GALNT1: variants seen among roughly 807,000 people sequenced by gnomAD.
The protein encoded by GALNT1 is polypeptide N-acetylgalactosaminyltransferase 1, also known as GalNAc transferase 1.
Under a neutral mutation model 65.7 loss-of-function variants are expected in GALNT1, and 17 were observed. That is an observed-to-expected ratio of 0.26 (90% CI 0.18 to 0.39). The LOEUF (loss-of-function observed/expected upper bound fraction) is 0.39, where lower values mean the gene tolerates loss of function less well. Ranked by LOEUF, GALNT1 falls within the 10% of genes least tolerant of loss-of-function variation. GALNT1 has a pLI of 1.00. For missense variants in GALNT1, 460 were observed against 672.8 expected, an observed-to-expected ratio of 0.68 and a Z score of 3.50; for synonymous variants, 210 against 219.7, an observed-to-expected ratio of 0.96 and a Z score of 0.39.
intron 1 of GALNT1, among the ~76,000 whole-genome samples, chr18:35,594,820 T>A (rs535101607): frequency 6.6e-6 from 1 of 152,240 alleles, no homozygotes; most frequent in Admixed American, 6.5e-5. Context: ...GGTGGTGTAT[T>A]TTATGCCTGG....
chr18:35,602,649 A>G lies in GALNT1; in HGVS notation c.-104+20787A>G, dbSNP rs2046596310. Among the ~76,000 whole-genome samples the G allele has an allele frequency of 2.6e-5, 4 of 152,126 alleles. No homozygotes were observed. In the South Asian group the frequency reaches 8.3e-4, roughly 32 times the overall value. Reference sequence around the variant, plus strand: ...TTCTCCTGTTGAGACCCTCTAATACACTTTTCAGTTTAGCAAATGTATTTC... The same window carrying G: ...TTCTCCTGTTGAGACCCTCTAATACGCTTTTCAGTTTAGCAAATGTATTTC... On this transcript the variant is annotated intron_variant, in intron 1 of 11. Transcript: ENST00000269195.
chr18:35,702,109 T>C (rs939347330), intron 9 of GALNT1, among the ~76,000 whole-genome samples: 8 of 152,204 alleles, frequency 5.3e-5, no homozygotes, highest in Admixed American at 2.0e-4. Flanking sequence ...TGGAATAATA[T>C]GCAGACTGTA....
At chr18:35,592,786 T>G (rs1474014626) in intron 1 of GALNT1, among the ~76,000 whole-genome samples, 1 of 152,146 alleles carries the variant, frequency 6.6e-6, no homozygotes, top group Non-Finnish European at 1.5e-5. Context: ...CAGGCTCTGG[T>G]GTTTGTCTCA....
At chr18:35,590,360 A>G (rs1417259449) in intron 1 of GALNT1, among the ~76,000 whole-genome samples, 2 of 152,200 alleles carry the variant, frequency 1.3e-5, no homozygotes, top group East Asian at 3.8e-4. Flanking sequence ...GTTAGAGAAC[A>G]TATGATTGAT....
At position 35,687,202 on chromosome 18, in the gene GALNT1, G is replaced by T; in HGVS notation, c.860+16G>T. On this transcript the variant is annotated intron_variant, in intron 6 of 11. Coordinates refer to ENST00000269195, the MANE Select transcript of GALNT1 (RefSeq NM_020474.4). ...TTCCTGTCAGGTAATTAATTTGTCA[G>T]ACATTTTGCCTAAAGTGTTATTGGC... The T allele has an allele frequency of 1.9e-6, 3 of 1,608,348 alleles. No individual in the cohort carries two copies. Among genetic ancestry groups the T allele is most frequent in the Non-Finnish European group, 2.5e-6 (3 of 1,177,180 alleles).
chr18:35,666,512 A>G (rs1365296022), intron 3 of GALNT1, among the ~76,000 whole-genome samples: 2 of 152,206 alleles, frequency 1.3e-5, no homozygotes, highest in African/African-American at 4.8e-5. Context: ...CAAGAGCCTC[A>G]ATCAACTATT....
intron 9 of GALNT1, among the ~76,000 whole-genome samples, chr18:35,698,678 T>C (rs1324711919): frequency 6.6e-6 from 1 of 151,736 alleles, no homozygotes; most frequent in Non-Finnish European, 1.5e-5. Context: ...ACAACTGCTG[T>C]TTTAAAACAG....
chr18:35,636,648 A>G (rs1021168969), intron 1 of GALNT1, among the ~76,000 whole-genome samples: 10 of 152,200 alleles, frequency 6.6e-5, no homozygotes, highest in African/African-American at 2.4e-4. Flanking sequence ...TACCACCTAC[A>G]GTACCTGACA....
chr18:35,633,733 A>G (rs1307195346), intron 1 of GALNT1, among the ~76,000 whole-genome samples: 1 of 152,156 alleles, frequency 6.6e-6, no homozygotes, highest in Non-Finnish European at 1.5e-5. Flanking sequence ...TATGCCTCAT[A>G]TACAAGCAAG....
intron 6 of GALNT1, among the ~76,000 whole-genome samples, chr18:35,688,958 T>C (rs942874587): frequency 1.3e-5 from 2 of 152,152 alleles, no homozygotes; most frequent in African/African-American, 2.4e-5. Flanking sequence ...ACAGCAAGTC[T>C]AGCAGTCAGC....
Position 35,691,001 on chromosome 18 carries a change from G to C in GALNT1, c.979-11G>C, listed in dbSNP as rs1439894857. On this transcript the variant is annotated splice_polypyrimidine_tract_variant and intron_variant, in intron 7 of 11. Coordinates refer to ENST00000269195, the MANE Select transcript of GALNT1 (RefSeq NM_020474.4). Reference sequence around the variant, plus strand: ...AGCTACATGTTACATGGTCATCTCTGCTGTTTTCAGATTTGGCAGTGTGGA... The same window carrying C: ...AGCTACATGTTACATGGTCATCTCTCCTGTTTTCAGATTTGGCAGTGTGGA... 2 of 1,582,554 alleles carry C rather than the reference G, an allele frequency of 1.3e-6. No homozygotes were observed. The highest frequency in any genetic ancestry group is 2.7e-5 in the African/African-American group (2 of 73,414).
At chr18:35,617,849 CATTT>C (rs1387267001) in intron 1 of GALNT1, among the ~76,000 whole-genome samples, 2 of 152,062 alleles carry the variant, frequency 1.3e-5, no homozygotes, top group Admixed American at 6.5e-5. Context: ...CAACATAGCA[CATTT>C]AGTTTTTTTA....
At chr18:35,591,174 C>T (rs148746592) in intron 1 of GALNT1, among the ~76,000 whole-genome samples, 2 of 152,294 alleles carry the variant, frequency 1.3e-5, no homozygotes, top group African/African-American at 2.4e-5. Flanking sequence ...CATTTCATTG[C>T]ATGAGATGTA....
intron 10 of GALNT1, 59 bp from the exon 11 acceptor site, chr18:35,703,450 C>T (rs2048201156): frequency 6.8e-7 from 1 of 1,475,842 alleles, no homozygotes; most frequent in Non-Finnish European, 9.4e-7. Context: ...GCTAATTGGG[C>T]ATTTAAAATG....
intron 6 of GALNT1, among the ~76,000 whole-genome samples, 173 bp from the exon 7 acceptor site, chr18:35,688,999 CA>C (rs2047912618): frequency 6.6e-6 from 1 of 151,978 alleles, no homozygotes; most frequent in South Asian, 2.1e-4. Context: ...GTGTGAAGAC[CA>C]AATAACACAG....
chr18:35,682,926 A>AAG (rs1420478219), intron 4 of GALNT1, among the ~76,000 whole-genome samples: 9 of 151,308 alleles, frequency 5.9e-5, no homozygotes, highest in Non-Finnish European at 7.4e-5. Flanking sequence ...AAAAAAAAAA[A>AAG]AAAGTATAGT....
Position 35,654,774 on chromosome 18 carries a change from A to C in GALNT1, c.112A>C (p.Lys38Gln), listed in dbSNP as rs775428732. The C allele has an allele frequency of 2.6e-6, 4 of 1,560,006 alleles. No homozygotes were observed. Among genetic ancestry groups the C allele is most frequent in the Non-Finnish European group, 3.5e-6 (4 of 1,149,956 alleles). The change falls in exon 2 of 12, where the codon AAG becomes CAG. Residue 38 changes from lysine to glutamine, a missense_variant. Lys to Gln is a moderately conservative substitution (Grantham distance 53). Coordinates refer to ENST00000269195, the MANE Select transcript of GALNT1 (RefSeq NM_020474.4). Reference sequence around the variant, plus strand: ...TGAATGCAACAAATGTGATGAAAAAAAGGAGAGAGGACTTCCTGCTGGAGA... The same window carrying C: ...TGAATGCAACAAATGTGATGAAAAACAGGAGAGAGGACTTCCTGCTGGAGA... Reference protein sequence around the residue: ...FSECNKCDEKKERGLPAGDVL... With the variant: ...FSECNKCDEKQERGLPAGDVL...
In GALNT1 at chr18:35,630,765, G is replaced by T. The variant is rs1018893587; in HGVS notation, c.-103-23795G>T. On this transcript the variant is annotated intron_variant, in intron 1 of 11. Coordinates refer to ENST00000269195, the MANE Select transcript of GALNT1 (RefSeq NM_020474.4). ...CTTCAAAAAATCAATGAATCCAGGA[G>T]CTGGTTTTTTGAAAAGATCAACAAA... Among the ~76,000 whole-genome samples, 7 of 152,242 alleles carry T rather than the reference G, an allele frequency of 4.6e-5. No individual in the cohort carries two copies. The East Asian group carries it at 7.7e-4, about 17-fold the overall frequency.
intron 3 of GALNT1, among the ~76,000 whole-genome samples, chr18:35,665,463 T>G (rs1380138704): frequency 6.6e-6 from 1 of 152,152 alleles, no homozygotes; most frequent in East Asian, 1.9e-4. Context: ...CCACAAAATT[T>G]TCCATAACTG....
Sources: allele counts gnomAD v4.1 joint callset (sites outside exome capture counted in the v4.1 genomes callset), GRCh38; gene constraint gnomAD v4.1.1; transcripts MANE v1.5; gene names NCBI Gene and HGNC (gene_info 2026-07-23, HGNC 2026-07-21).